The following DCAF6 variants were observed in gnomAD, a reference collection of about 807,000 sequenced individuals.
The protein encoded by DCAF6 is DDB1- and CUL4-associated factor 6.
DCAF6 carries 54 observed loss-of-function variants against 125.1 expected under a neutral mutation model. The observed-to-expected ratio is 0.43, with a 90% CI of 0.35 to 0.54. The LOEUF (loss-of-function observed/expected upper bound fraction) is 0.54. Among genes scored for constraint, DCAF6 ranks in the 20% least tolerant of loss-of-function variants. DCAF6 has a pLI of 0.01. For missense variants in DCAF6, 934 were observed against 1,161.7 expected, an observed-to-expected ratio of 0.80 and a Z score of 2.85; for synonymous variants, 371 against 390.4, an observed-to-expected ratio of 0.95 and a Z score of 0.58.
the DCAF6 span, among the ~76,000 whole-genome samples, chr1:167,893,209 A>C: frequency 1.3e-5 from 2 of 152,314 alleles, no homozygotes; most frequent in African/African-American, 4.8e-5. Flanking sequence ...TAGTGTACCA[A>C]TGTTCATCCA....
intron 10 of DCAF6, among the ~76,000 whole-genome samples, chr1:168,014,986 C>G (rs1684772914): frequency 6.6e-6 from 1 of 152,168 alleles, no homozygotes; most frequent in African/African-American, 2.4e-5. Flanking sequence ...GACACAAACA[C>G]ATATGTTCAA....
At chr1:168,071,705 A>G (rs1693059409) in intron 21 of DCAF6, among the ~76,000 whole-genome samples, 1 of 152,156 alleles carries the variant, frequency 6.6e-6, no homozygotes, top group Non-Finnish European at 1.5e-5. Context: ...TTTTTAAAAC[A>G]CAAATTAGAT....
At chr1:167,878,097 G>A in the DCAF6 span, among the ~76,000 whole-genome samples, 3 of 152,110 alleles carry the variant, frequency 2.0e-5, no homozygotes, top group South Asian at 2.1e-4. Flanking sequence ...ACAATGCCTC[G>A]GCATACAGTT....
chr1:167,973,914 C>T (rs183964062), intron 3 of DCAF6, among the ~76,000 whole-genome samples: 3 of 151,982 alleles, frequency 2.0e-5, no homozygotes, highest in Middle Eastern at 3.2e-3. Flanking sequence ...ATAGATTTGC[C>T]TAGTCAAAGA....
intron 12 of DCAF6, among the ~76,000 whole-genome samples, chr1:168,031,586 A>G (rs77118249): frequency 0.011 from 1,649 of 152,340 alleles, 37 homozygotes; most frequent in African/African-American, 0.036. Context: ...AGAAGTTGTT[A>G]AAGGGAGTGT....
At chr1:168,012,823 TTCATAAGATTA>T (rs1172130091) in intron 10 of DCAF6, among the ~76,000 whole-genome samples, 1 of 152,198 alleles carries the variant, frequency 6.6e-6, no homozygotes, top group African/African-American at 2.4e-5. Context: ...GAATAAATGG[TTCATAAGATTA>T]TCACAACTAA....
chr1:167,943,513 A>G (rs1672580422), intron 1 of DCAF6, among the ~76,000 whole-genome samples: 1 of 152,090 alleles, frequency 6.6e-6, no homozygotes, highest in Non-Finnish European at 1.5e-5. Context: ...TGATATTTTT[A>G]TTTATTTTTA....
chr1:167,929,153 G>A, the DCAF6 span, among the ~76,000 whole-genome samples: 1 of 151,454 alleles, frequency 6.6e-6, no homozygotes, highest in Non-Finnish European at 1.5e-5. Context: ...GAGGTGGGGA[G>A]TTTGAGACTA....
At chr1:168,042,094 C>G (rs1262124447) in intron 13 of DCAF6, among the ~76,000 whole-genome samples, 1 of 151,710 alleles carries the variant, frequency 6.6e-6, no homozygotes, top group East Asian at 1.9e-4. Flanking sequence ...TTTAAAAAGT[C>G]AATTTGACTT....
intron 2 of DCAF6, among the ~76,000 whole-genome samples, chr1:167,964,466 C>G (rs1186853411): frequency 6.6e-6 from 1 of 152,108 alleles, no homozygotes; most frequent in Non-Finnish European, 1.5e-5. Flanking sequence ...CAGCTTCTTT[C>G]AGGATTTTTT....
chr1:167,893,956 G>A, the DCAF6 span: 2 of 1,600,902 alleles, frequency 1.2e-6, no homozygotes, highest in Non-Finnish European at 8.6e-7. Flanking sequence ...GAAGGCAGAA[G>A]GAGGGTGCAG....
At chr1:168,009,826 A>G (rs879528035) in intron 10 of DCAF6, among the ~76,000 whole-genome samples, 1 of 117,362 alleles carries the variant, frequency 8.5e-6, no homozygotes, top group Non-Finnish European at 1.7e-5. Context: ...GTGAAAAGCA[A>G]TTATAAAAAT....
chr1:167,960,386 C>T (rs926424253), intron 2 of DCAF6, among the ~76,000 whole-genome samples: 10 of 152,124 alleles, frequency 6.6e-5, no homozygotes, highest in African/African-American at 2.4e-4. Flanking sequence ...GCAGCCTCCA[C>T]CTCCTGGGTT....
intron 17 of DCAF6, among the ~76,000 whole-genome samples, chr1:168,055,254 A>G (rs1690496577): frequency 6.8e-6 from 1 of 147,672 alleles, no homozygotes; most frequent in African/African-American, 2.5e-5. Flanking sequence ...ATTGAAGGAG[A>G]TGGTGGTGAG....
intron 1 of DCAF6, 170 bp downstream of exon 1, chr1:167,937,178 G>A: frequency 1.6e-6 from 1 of 633,318 alleles, no homozygotes; most frequent in Non-Finnish European, 2.8e-6. Context: ...GCCTCCCCCA[G>A]TCAAGCCCCC....
At chr1:167,905,154 G>A in the DCAF6 span, 8 of 1,614,072 alleles carry the variant, frequency 5.0e-6, no homozygotes, top group Admixed American at 5.0e-5. Context: ...CAAGACAAAT[G>A]TTCAGGATTT....
the DCAF6 span, among the ~76,000 whole-genome samples, chr1:167,905,549 T>C: frequency 3.1e-4 from 47 of 152,258 alleles, no homozygotes; most frequent in African/African-American, 1.0e-3. Context: ...TCTGTCCTCA[T>C]GTTTCCTTTT....
chr1:167,889,194 G>A, the DCAF6 span, among the ~76,000 whole-genome samples: 1 of 152,130 alleles, frequency 6.6e-6, no homozygotes, highest in Non-Finnish European at 1.5e-5. Context: ...TATTCATTAT[G>A]ATACTAGTGG....
chr1:167,976,379 G>T (rs1678161728), intron 4 of DCAF6, among the ~76,000 whole-genome samples: 1 of 152,154 alleles, frequency 6.6e-6, no homozygotes, highest in South Asian at 2.1e-4. Flanking sequence ...TGAGGCTTGA[G>T]AATTGCTTGA....
Sources: gnomAD v4.1 joint callset for allele counts (sites outside exome capture counted in the v4.1 genomes callset) on GRCh38, gnomAD v4.1.1 for gene constraint, MANE v1.5 for transcripts, NCBI Gene and HGNC (gene_info 2026-07-23, HGNC 2026-07-21) for gene names.